The following BSN variants were observed in gnomAD, a reference collection of about 807,000 sequenced individuals.
BSN encodes bassoon presynaptic cytomatrix protein.
BSN carries 57 observed loss-of-function variants against 264.8 expected under a neutral mutation model. That is an observed-to-expected ratio of 0.22 (90% confidence interval 0.17 to 0.27). The LOEUF (loss-of-function observed/expected upper bound fraction) is 0.27. Ranked by LOEUF, BSN falls within the 10% of genes least tolerant of loss-of-function variation. BSN has a pLI of 1.00. For missense variants in BSN, 4,615 were observed against 5,232.5 expected (o/e 0.88, Z 3.64); for synonymous variants, 2,059 against 2,137.3 (o/e 0.96, Z 1.01).
intron 2 of BSN, among the ~76,000 whole-genome samples, chr3:49,626,129 G>A (rs1267224735): frequency 6.6e-6 from 1 of 152,196 alleles, no homozygotes; most frequent in Non-Finnish European, 1.5e-5. Context: ...CTTTGTTCAG[G>A]ATGCTTTGAA....
In BSN at chr3:49,656,835, C is replaced by G. The variant is rs991110261; in HGVS notation, c.7279C>G (p.Leu2427Val). ...GCTGCAGACCATCAAGCACCATGTG[C>G]TGCAGCAGCAGCAAGAGGAACGCCA... is the stretch of plus-strand genomic sequence containing the variant. The part of the protein sequence containing the change: ...QELQTIKHHV[L>V]QQQQEERQAQ... The change falls in exon 5 of 12, where the codon CTG (leucine) becomes GTG (valine). Residue 2427 changes from leucine (L) to valine (V), a missense_variant. By Grantham distance (32) the Leu-to-Val change is conservative. Transcript: ENST00000296452. 1 of 1,600,732 alleles carries G rather than the reference C, an allele frequency of 6.2e-7. No homozygotes were observed. The highest frequency in any genetic ancestry group is 2.2e-5 in the East Asian group (1 of 44,508).
At chr3:49,609,590 C>G (rs976748757) in intron 1 of BSN, among the ~76,000 whole-genome samples, 2 of 152,068 alleles carry the variant, frequency 1.3e-5, no homozygotes, top group African/African-American at 2.4e-5. Flanking sequence ...TGTCCAGGGT[C>G]GGGTGGTAAC....
At chr3:49,650,311 C>A (rs1338358362) in intron 3 of BSN, among the ~76,000 whole-genome samples, 1 of 152,214 alleles carries the variant, frequency 6.6e-6, no homozygotes, top group East Asian at 1.9e-4. Context: ...GGGCTAGGCC[C>A]TCCCATCCCC....
In BSN at chr3:49,663,492, A is replaced by ACAGCAG; in HGVS notation, c.11343_11348dup (p.Gln3782_Gln3783dup). 6.2e-7 allele frequency: 1 copy of ACAGCAG among 1,613,156 alleles called. No homozygotes were observed. Among genetic ancestry groups the ACAGCAG allele is most frequent in the Non-Finnish European group, 8.5e-7 (1 of 1,179,972 alleles). On this transcript the variant is annotated inframe_insertion, in exon 7 of 12. Coordinates refer to ENST00000296452, the MANE Select transcript of BSN (RefSeq NM_003458.4). Reference sequence around the variant, plus strand: ...GGGCAGCATCACGCCAGCCACAGACACAGCAGCAGCAGCAAGGTCTTGGGC... The same window carrying ACAGCAG: ...GGGCAGCATCACGCCAGCCACAGACACAGCAGCAGCAGCAGCAGCAAGGTCTTGGGC...
chr3:49,583,158 G>T (rs964853261), intron 1 of BSN, among the ~76,000 whole-genome samples: 4 of 151,732 alleles, frequency 2.6e-5, no homozygotes, highest in African/African-American at 9.7e-5. Context: ...TAGTAGAGAT[G>T]GGGTTTCACT....
intron 1 of BSN, among the ~76,000 whole-genome samples, chr3:49,616,898 G>A (rs1318692940): frequency 3.8e-4 from 58 of 152,202 alleles, no homozygotes; most frequent in Non-Finnish European, 7.3e-5. Flanking sequence ...GGATGGGACA[G>A]GAGGCCACAG....
chr3:49,662,651 C>T, intron 6 of BSN, 89 bp downstream of exon 6: 1 of 1,512,170 alleles, frequency 6.6e-7, no homozygotes, highest in Non-Finnish European at 8.8e-7. Flanking sequence ...GATGTCCCAG[C>T]AGGGTCTGGT....
At chr3:49,568,661 G>A (rs1447618383) in intron 1 of BSN, among the ~76,000 whole-genome samples, 1 of 152,088 alleles carries the variant, frequency 6.6e-6, no homozygotes, top group Non-Finnish European at 1.5e-5. Flanking sequence ...TTTTGCATCT[G>A]CACTGTGCCT....
intron 1 of BSN, among the ~76,000 whole-genome samples, chr3:49,612,426 C>T (rs914606451): frequency 3.9e-5 from 6 of 152,200 alleles, no homozygotes; most frequent in Non-Finnish European, 7.3e-5. Context: ...TGAGCCACCA[C>T]GCCTGGCCAA....
chr3:49,658,647 A>G (rs976994536), intron 5 of BSN, among the ~76,000 whole-genome samples: 4 of 152,252 alleles, frequency 2.6e-5, no homozygotes, highest in Admixed American at 6.5e-5. Context: ...CCTGGTTTCC[A>G]TTGCCACACA....
rs376793478 is a variant in BSN at position 49,625,254 on chromosome 3, G to A, written c.504G>A (p.Thr168=). 7.5e-6 allele frequency: 12 copies of A among 1,601,658 alleles called. No homozygotes were observed. Among genetic ancestry groups the A allele is most frequent in the East Asian group, 2.3e-5 (1 of 44,118 alleles). ...AGATCGCCCCCCTTCCCAGCAGCAC[G>A]CTGTGTCCCATATGCAAGACTTCGG... ...VPQIAPLPSS[T]LCPICKTSDL... The change falls in exon 2 of 12, where the codon ACG becomes ACA. Residue 168 remains threonine, a synonymous_variant. Coordinates refer to ENST00000296452, the MANE Select transcript of BSN (RefSeq NM_003458.4). The surrounding 1 kb of genome is among the most constrained non-coding windows in gnomAD (Gnocchi z 4.4).
intron 1 of BSN, among the ~76,000 whole-genome samples, chr3:49,606,002 A>G (rs1292749805): frequency 2.2e-5 from 2 of 92,806 alleles, no homozygotes; most frequent in East Asian, 6.7e-4. Flanking sequence ...ATATATATTT[A>G]TATATACATA....
intron 1 of BSN, among the ~76,000 whole-genome samples, chr3:49,576,630 C>T (rs547274458): frequency 6.6e-6 from 1 of 152,086 alleles, no homozygotes; most frequent in African/African-American, 2.4e-5. Flanking sequence ...CCATGTTGGC[C>T]AGGCTGGTCT....
intron 1 of BSN, among the ~76,000 whole-genome samples, 192 bp downstream of exon 1, chr3:49,555,018 G>A (rs1350452244): frequency 2.0e-5 from 3 of 152,232 alleles, no homozygotes; most frequent in Non-Finnish European, 4.4e-5. Context: ...CCTTGGCGTG[G>A]CAGGATGACG....
At chr3:49,609,305 G>A (rs1403622074) in intron 1 of BSN, among the ~76,000 whole-genome samples, 1 of 149,188 alleles carries the variant, frequency 6.7e-6, no homozygotes, top group Admixed American at 6.7e-5. Flanking sequence ...ATCTTCCTAT[G>A]TTGCCCAGGC....
chr3:49,573,986 G>A lies in BSN; in HGVS notation c.224+19160G>A, dbSNP rs182409429. ...TGTTTTTGAGATGGGGTCTTGCTCCGTTGCCCAGGCTGGAGTGCAGTGGTG... is the reference window on the plus strand; with the variant it reads ...TGTTTTTGAGATGGGGTCTTGCTCCATTGCCCAGGCTGGAGTGCAGTGGTG... On this transcript the variant is annotated intron_variant, in intron 1 of 11. Transcript: ENST00000296452. 1.2e-3 allele frequency among the ~76,000 whole-genome samples: 177 copies of A among 151,982 alleles called. 3 individuals carry two copies. In the East Asian group the frequency reaches 0.025, roughly 21 times the overall value.
Position 49,651,977 on chromosome 3 carries a change from C to T in BSN, c.2421C>T (p.Gly807=). 2.5e-6 allele frequency: 4 copies of T among 1,613,350 alleles called. No homozygotes were observed. Among genetic ancestry groups the T allele is most frequent in the Non-Finnish European group, 3.4e-6 (4 of 1,179,682 alleles). ...QDTAESSDDF[G]SQLRHDYVED... is the part of the protein sequence containing the mutation. Reference sequence around the variant, plus strand: ...CTGCCGAGTCCTCAGACGACTTTGGCAGCCAATTGAGGCACGACTATGTGG... The same window carrying T: ...CTGCCGAGTCCTCAGACGACTTTGGTAGCCAATTGAGGCACGACTATGTGG... Residue 807 remains glycine, a synonymous_variant, in exon 5 of 12, where the codon GGC becomes GGT. Transcript: ENST00000296452. This position sits in a 1 kb window ranked among gnomAD's most constrained non-coding sequence, Gnocchi z 5.4.
rs2051936636 is a variant in BSN, at chr3:49,586,257, A to AT, written c.224+31436dup. The stretch of plus-strand genomic sequence containing the variant: ...TAAGTCCTTAATCCATTTTGATTTT[A>AT]TTTTTGTATATGATGAGAGATAGGG... On this transcript the variant is annotated intron_variant, in intron 1 of 11. Transcript: ENST00000296452. Among the ~76,000 whole-genome samples the AT allele has an allele frequency of 3.3e-5, 5 of 152,136 alleles. No homozygotes were observed. The South Asian group carries it at 1.0e-3, about 32-fold the overall frequency.
At chr3:49,577,230 A>C (rs576133995) in intron 1 of BSN, among the ~76,000 whole-genome samples, 2 of 152,204 alleles carry the variant, frequency 1.3e-5, no homozygotes, top group Non-Finnish European at 2.9e-5. Context: ...TTCTGCCTCT[A>C]AATTTACCCC....
Sources: gnomAD v4.1 joint callset for allele counts (sites outside exome capture counted in the v4.1 genomes callset) on GRCh38, gnomAD v4.1.1 for gene constraint, Gnocchi (gnomAD v3.1) non-coding constraint, MANE v1.5 for transcripts, NCBI Gene and HGNC (gene_info 2026-07-23, HGNC 2026-07-21) for gene names.